Variants in FLNB observed in about 807,000 individuals in gnomAD.
FLNB encodes filamin-B.
In FLNB, 111 loss-of-function variants were observed where a neutral mutation model predicts 250.6. The ratio of observed to expected loss-of-function variants is 0.44; its 90% confidence interval spans 0.38 to 0.52. FLNB has a LOEUF of 0.52. FLNB is among the 20% of genes least tolerant of loss of function. The pLI, the probability that FLNB is intolerant of heterozygous loss-of-function variation, is 0.00. For synonymous variants in FLNB, 1,302 were observed against 1,372.1 expected (o/e 0.95, Z 1.13); for missense variants, 2,869 against 3,447.8 (o/e 0.83, Z 4.20).
rs1326980504 is a variant in FLNB, at chr3:58,126,666, A to G, written c.4126A>G (p.Arg1376Gly). ...EGPSESKINC[R>G]DNKDGSCSAE... ...ACCATCAGAGTCGAAGATAAATTGC[A>G]GAGACAACAAGGATGGCAGCTGCAG... The change falls in exon 24 of 46, where the codon AGA (arginine) becomes GGA (glycine). Residue 1376 changes from arginine (R) to glycine (G), a missense_variant. Coordinates refer to ENST00000295956, the MANE Select transcript of FLNB (RefSeq NM_001457.4). The G allele has an allele frequency of 1.9e-6, 3 of 1,613,936 alleles. 1 individual carries two copies. The highest frequency in any genetic ancestry group is 2.2e-5 in the East Asian group (1 of 44,878).
intron 1 of FLNB, among the ~76,000 whole-genome samples, chr3:58,050,307 C>G (rs1050862863): frequency 6.6e-6 from 1 of 152,144 alleles, no homozygotes; most frequent in African/African-American, 2.4e-5. Context: ...GGATTACAGG[C>G]GTGAGCCACC....
chr3:58,075,375 A>T (rs2097200255), intron 1 of FLNB, among the ~76,000 whole-genome samples: 1 of 152,218 alleles, frequency 6.6e-6, no homozygotes, highest in Non-Finnish European at 1.5e-5. Flanking sequence ...GCCAGGAGTT[A>T]TCCCACAGGA....
At chr3:58,121,153 G>T in intron 19 of FLNB, 88 bp from the exon 20 acceptor site, 2 of 1,563,142 alleles carry the variant, frequency 1.3e-6, no homozygotes, top group Non-Finnish European at 1.8e-6. Context: ...AAGTCCCCGT[G>T]TCCAAAGAAC....
At chr3:58,026,610 G>A (rs1282464033) in intron 1 of FLNB, among the ~76,000 whole-genome samples, 7 of 152,204 alleles carry the variant, frequency 4.6e-5, no homozygotes, top group Non-Finnish European at 1.0e-4. Context: ...GATATGGGAG[G>A]TTGGGGGCCA....
intron 19 of FLNB, among the ~76,000 whole-genome samples, 158 bp from the exon 20 acceptor site, chr3:58,121,083 C>CT (rs2107166155): frequency 6.6e-6 from 1 of 152,344 alleles, no homozygotes; most frequent in Admixed American, 6.5e-5. Context: ...GCTGATGATA[C>CT]TTACTCAGCT....
chr3:58,084,381 C>T (rs1576688304), intron 4 of FLNB, among the ~76,000 whole-genome samples: 1 of 152,016 alleles, frequency 6.6e-6, no homozygotes, highest in African/African-American at 2.4e-5. Flanking sequence ...TTTGTAATAA[C>T]CTTATCACTG....
At chr3:58,118,722 C>T in intron 18 of FLNB, 150 bp from the exon 19 acceptor site, 1 of 713,186 alleles carries the variant, frequency 1.4e-6, no homozygotes, top group Non-Finnish European at 2.6e-6. Flanking sequence ...TGGTCAAAAG[C>T]TAGAAGAAAT....
chr3:58,064,511 T>C (rs1268961616), intron 1 of FLNB, among the ~76,000 whole-genome samples: 1 of 152,030 alleles, frequency 6.6e-6, no homozygotes, highest in East Asian at 1.9e-4. Flanking sequence ...ATAGAGCAAA[T>C]TGAATCTTCA....
At chr3:58,117,792 T>A (rs1014404923) in intron 18 of FLNB, among the ~76,000 whole-genome samples, 88 of 124,744 alleles carry the variant, frequency 7.1e-4, no homozygotes, top group Non-Finnish European at 7.1e-4. Context: ...TGCAACCAGT[T>A]TTTTTTTTTT....
chr3:58,122,799 G>C (rs1326358733), intron 20 of FLNB, among the ~76,000 whole-genome samples: 1 of 152,162 alleles, frequency 6.6e-6, no homozygotes, highest in Non-Finnish European at 1.5e-5. Context: ...TCCAAGTCCA[G>C]GCCTGTGATT....
At chr3:58,038,123 G>C (rs1410768020) in intron 1 of FLNB, among the ~76,000 whole-genome samples, 1 of 151,970 alleles carries the variant, frequency 6.6e-6, no homozygotes, top group African/African-American at 2.4e-5. Context: ...TTTGCCTCCT[G>C]TGTTCAAGCG....
chr3:58,145,766 A>T (rs982465539), intron 32 of FLNB, among the ~76,000 whole-genome samples, 155 bp from the exon 33 acceptor site: 9 of 152,092 alleles, frequency 5.9e-5, no homozygotes, highest in African/African-American at 2.2e-4. Flanking sequence ...ATGGCGGGGG[A>T]TGGGAGGTGC....
chr3:58,160,049 C>CA (rs1023726482), intron 42 of FLNB, among the ~76,000 whole-genome samples: 12 of 151,498 alleles, frequency 7.9e-5, no homozygotes, highest in Non-Finnish European at 1.0e-4. Flanking sequence ...AGAAAAAAAA[C>CA]AAAAAAACAA....
chr3:58,162,178 C>T (rs896038022), intron 42 of FLNB, among the ~76,000 whole-genome samples: 6 of 152,102 alleles, frequency 3.9e-5, no homozygotes, highest in Non-Finnish European at 8.8e-5. Context: ...TCTGTGGAGA[C>T]GTCCAGAGGC....
intron 1 of FLNB, among the ~76,000 whole-genome samples, chr3:58,018,781 GT>G (rs2097109551): frequency 6.6e-6 from 1 of 152,036 alleles, no homozygotes; most frequent in Non-Finnish European, 1.5e-5. Flanking sequence ...GCCTCCCAAA[GT>G]GCTGGGATTA....
At chr3:58,085,976 G>A (rs1028464656) in intron 4 of FLNB, among the ~76,000 whole-genome samples, 1 of 152,024 alleles carries the variant, frequency 6.6e-6, no homozygotes, top group East Asian at 1.9e-4. Context: ...TTAGGTGCAT[G>A]TTTATTTACT....
At chr3:58,044,583 C>T (rs2097150847) in intron 1 of FLNB, among the ~76,000 whole-genome samples, 1 of 152,190 alleles carries the variant, frequency 6.6e-6, no homozygotes, top group Middle Eastern at 3.2e-3. Context: ...TGTGATCACA[C>T]CTCTGCGCTC....
intron 4 of FLNB, among the ~76,000 whole-genome samples, chr3:58,083,367 C>CTTT (rs71091341): frequency 2.7e-4 from 25 of 91,500 alleles, no homozygotes; most frequent in East Asian, 6.4e-4. Context: ...TCAGCTTAGT[C>CTTT]TTTTTTTTTT....
At chr3:58,124,798 T>C (rs915159818) in intron 22 of FLNB, among the ~76,000 whole-genome samples, 9 of 152,152 alleles carry the variant, frequency 5.9e-5, no homozygotes, top group Non-Finnish European at 1.2e-4. Context: ...TATGAATTTC[T>C]TTCTTCTTGA....
Sources: gnomAD v4.1 joint callset for allele counts (sites outside exome capture counted in the v4.1 genomes callset) on GRCh38, gnomAD v4.1.1 for gene constraint, MANE v1.5 for transcripts, NCBI Gene and HGNC (gene_info 2026-07-23, HGNC 2026-07-21) for gene names.